The following TRPC1 variants were observed in gnomAD, a reference collection of about 807,000 sequenced individuals.
TRPC1 encodes the protein short transient receptor potential channel 1.
In TRPC1, 42 loss-of-function variants were observed where a neutral mutation model predicts 88.2. The ratio of observed to expected loss-of-function variants is 0.48; its 90% CI spans 0.37 to 0.62. The LOEUF is 0.62. Ranked by LOEUF, TRPC1 falls within the 20% of genes least tolerant of loss-of-function variation. TRPC1 has a pLI of 0.00. For synonymous variants in TRPC1, 288 were observed against 331.8 expected (o/e 0.87, Z 1.43); for missense variants, 699 against 957.3 (o/e 0.73, Z 3.56).
In TRPC1 at chr3:142,806,294, C is replaced by G. The variant is rs752519352; in HGVS notation, c.*59C>G. The G allele has an allele frequency of 7.7e-7, 1 of 1,290,810 alleles. No homozygotes were observed. 80.0% of individuals were successfully genotyped at this position (1,290,810 alleles called of 1,614,324 possible). On this transcript the variant is annotated 3_prime_UTR_variant, in exon 13 of 13. Transcript: ENST00000476941. The stretch of plus-strand genomic sequence containing the variant: ...ATAACAGATCCAAAAGACTATATTG[C>G]ATAACTTGCAATGAAATTAATGAGA...
At chr3:142,751,232 A>G (rs1013047411) in intron 4 of TRPC1, among the ~76,000 whole-genome samples, 2 of 152,114 alleles carry the variant, frequency 1.3e-5, no homozygotes, top group African/African-American at 4.8e-5. Flanking sequence ...CCCACTCACT[A>G]CCTCACCCAG....
At chr3:142,740,634 G>A (rs1489429046) in intron 2 of TRPC1, among the ~76,000 whole-genome samples, 2 of 152,198 alleles carry the variant, frequency 1.3e-5, no homozygotes, top group African/African-American at 4.8e-5. Context: ...TTAGGATAAT[G>A]CAACATTGTG....
At chr3:142,796,476 A>ATTTCCTTT (rs1186209801) in intron 9 of TRPC1, among the ~76,000 whole-genome samples, 3 of 151,706 alleles carry the variant, frequency 2.0e-5, no homozygotes, top group Non-Finnish European at 2.9e-5. Flanking sequence ...TTATTTCCTT[A>ATTTCCTTT]TTTCCTTTTT....
intron 2 of TRPC1, among the ~76,000 whole-genome samples, chr3:142,737,334 A>ATATGTATGTATG (rs371372307): frequency 1.3e-3 from 194 of 147,418 alleles, no homozygotes; most frequent in South Asian, 1.7e-3. Flanking sequence ...TTATATATAT[A>ATATGTATGTATG]TATGTATGTA....
Position 142,777,515 on chromosome 3 carries a change from T to C in TRPC1, c.633-117T>C, listed in dbSNP as rs13067430. On this transcript the variant is annotated intron_variant, in intron 4 of 12. Coordinates refer to ENST00000476941, the MANE Select transcript of TRPC1 (RefSeq NM_001251845.2). The stretch of plus-strand genomic sequence containing the variant: ...GGTTATCTTGTAATAAATATATCTG[T>C]AGTTTTTCTTTTAATTTTATAATAT... The C allele has an allele frequency of 2.5e-5, 14 of 555,658 alleles. No homozygotes were observed. In the Admixed American group the frequency reaches 3.4e-4, roughly 14 times the overall value. 34.4% of individuals were successfully genotyped at this position (555,658 alleles called of 1,614,324 possible). A position where few individuals can be genotyped will look rare whatever the true frequency, so the allele number is the denominator to read the frequency against.
intron 9 of TRPC1, 31 bp from the exon 10 acceptor site, chr3:142,802,132 ATAATCT>A (rs1364055924): frequency 2.9e-6 from 4 of 1,367,164 alleles, no homozygotes; most frequent in African/African-American, 1.5e-5. Context: ...TGTTTTTCTG[ATAATCT>A]TAATGAACAC....
At chr3:142,751,044 C>T (rs1934745552) in intron 4 of TRPC1, among the ~76,000 whole-genome samples, 1 of 151,898 alleles carries the variant, frequency 6.6e-6, no homozygotes, top group Non-Finnish European at 1.5e-5. Context: ...AGCTGTTACT[C>T]CAAAATGGTA....
chr3:142,777,614 A>T lies in TRPC1; in HGVS notation c.633-18A>T. On this transcript the variant is annotated intron_variant, in intron 4 of 12. Transcript: ENST00000476941. ...TGTATAAGTTTATTTTACATTATGGAATCCAATTTTATCACAGGTTTCGTC... is the reference window on the plus strand; with the variant it reads ...TGTATAAGTTTATTTTACATTATGGTATCCAATTTTATCACAGGTTTCGTC... 1 of 1,551,768 alleles carries T rather than the reference A, an allele frequency of 6.4e-7. No individual in the cohort carries two copies. The highest frequency in any genetic ancestry group is 2.3e-5 in the East Asian group (1 of 43,874).
intron 5 of TRPC1, among the ~76,000 whole-genome samples, chr3:142,780,041 G>A (rs1488018030): frequency 4.0e-4 from 61 of 151,910 alleles, no homozygotes. Context: ...TAGAGACAGG[G>A]TTTTGCCATG....
chr3:142,791,674 C>T (rs1040129465), intron 8 of TRPC1, among the ~76,000 whole-genome samples: 5 of 152,072 alleles, frequency 3.3e-5, no homozygotes, highest in African/African-American at 1.2e-4. Flanking sequence ...TGTTAGATAT[C>T]TTTATATCTG....
chr3:142,727,511 C>G (rs563968675), intron 1 of TRPC1, among the ~76,000 whole-genome samples: 1 of 152,104 alleles, frequency 6.6e-6, no homozygotes, highest in Non-Finnish European at 1.5e-5. Context: ...TAAGTAAGTT[C>G]GGTAGATTTA....
intron 4 of TRPC1, among the ~76,000 whole-genome samples, chr3:142,774,072 G>A (rs2108102450): frequency 1.3e-5 from 2 of 152,186 alleles, no homozygotes; most frequent in East Asian, 3.9e-4. Flanking sequence ...GATTCCTAAG[G>A]ACTCTTTTTA....
chr3:142,737,334 A>ATATATATGTATG, intron 2 of TRPC1, among the ~76,000 whole-genome samples: 1 of 147,418 alleles, frequency 6.8e-6, no homozygotes, highest in East Asian at 2.0e-4. Context: ...TTATATATAT[A>ATATATATGTATG]TATGTATGTA....
rs1407122769 is a variant in TRPC1, at chr3:142,792,225, C to T, written c.1438-599C>T. Among the ~76,000 whole-genome samples the T allele has an allele frequency of 2.6e-5, 4 of 151,890 alleles. No individual in the cohort carries two copies. Among genetic ancestry groups the T allele is most frequent in the Admixed American group, 6.6e-5 (1 of 15,230 alleles). On this transcript the variant is annotated intron_variant, in intron 8 of 12. Transcript: ENST00000476941. This position sits in a 1 kb window ranked among gnomAD's most constrained non-coding sequence, Gnocchi z 4.0. ...ATTGCTTTTTCAGATTGATCTCTTT[C>T]GTTCTATAAGTGGAGTACCCATATA...
rs936683572 is a variant in TRPC1 at position 142,790,629 on chromosome 3, C to T, written c.1298-390C>T. ...AGGATCAGGGACTGAGCCCCTTGTG[C>T]GGGGGTGTGTACGTGTGTGCGTGCA... is the stretch of plus-strand genomic sequence containing the variant. On this transcript the variant is annotated intron_variant, in intron 7 of 12. Coordinates refer to ENST00000476941, the MANE Select transcript of TRPC1 (RefSeq NM_001251845.2). Among the ~76,000 whole-genome samples, 20 of 151,904 alleles carry T rather than the reference C, an allele frequency of 1.3e-4. 1 individual carries two copies. Among genetic ancestry groups the T allele is most frequent in the Admixed American group, 1.1e-3 (16 of 15,230 alleles).
intron 4 of TRPC1, among the ~76,000 whole-genome samples, chr3:142,755,697 C>A (rs1480303977): frequency 2.0e-5 from 3 of 152,100 alleles, no homozygotes; most frequent in Non-Finnish European, 4.4e-5. Flanking sequence ...TACATATTTC[C>A]ATATTCTTAT....
intron 2 of TRPC1, among the ~76,000 whole-genome samples, chr3:142,741,370 T>C (rs1934339496): frequency 6.6e-6 from 1 of 152,090 alleles, no homozygotes; most frequent in South Asian, 2.1e-4. Context: ...TTAATGTAAA[T>C]CTTTATTCCT....
rs1936722001 is a variant in TRPC1 at position 142,804,467 on chromosome 3, G to A, written c.1991G>A (p.Arg664Gln). ...NHEDKEWKFA[R>Q]AKLWLSYFDD... The stretch of plus-strand genomic sequence containing the variant: ...GAAGACAAAGAATGGAAGTTTGCTC[G>A]AGCAAAATTATGGCTTAGCTACTTT... The change falls in exon 12 of 13, where the codon CGA becomes CAA. Residue 664 changes from arginine (R) to glutamine (Q), a missense_variant. Physicochemically the swap from Arg to Gln is conservative, Grantham distance 43. Transcript: ENST00000476941. 5 of 1,610,204 alleles carry A rather than the reference G, an allele frequency of 3.1e-6. No homozygotes were observed. The highest frequency in any genetic ancestry group is 1.3e-5 in the African/African-American group (1 of 74,722).
At chr3:142,755,536 A>G (rs1030961328) in intron 4 of TRPC1, among the ~76,000 whole-genome samples, 2 of 152,252 alleles carry the variant, frequency 1.3e-5, no homozygotes, top group Admixed American at 6.5e-5. Flanking sequence ...CTGCCTATAC[A>G]GAATTCCATT....
Sources: allele counts gnomAD v4.1 joint callset (sites outside exome capture counted in the v4.1 genomes callset), GRCh38; gene constraint gnomAD v4.1.1; non-coding constraint Gnocchi (gnomAD v3.1); transcripts MANE v1.5; gene names NCBI Gene and HGNC (gene_info 2026-07-23, HGNC 2026-07-21).